The following LRATD2 variants were observed in gnomAD, a reference collection of about 807,000 sequenced individuals.
LRATD2 encodes the protein protein LRATD2.
A neutral mutation model predicts 12.0 loss-of-function variants in LRATD2; 10 were observed. That is an observed-to-expected ratio of 0.83 (90% CI 0.51 to 1.41). LRATD2 has a LOEUF of 1.41. Ranked by LOEUF, LRATD2 falls within the 40% of genes most tolerant of loss-of-function variation. The probability of loss-of-function intolerance (pLI) is 0.00; values close to 1 mark genes in which losing one functional copy is unlikely to be tolerated. For missense variants in LRATD2, 455 were observed against 446.1 expected (o/e 1.02, Z -0.18); for synonymous variants, 220 against 205.8 (o/e 1.07, Z -0.59).
Position 126,557,344 on chromosome 8 carries a change from C to G in LRATD2, c.46G>C (p.Val16Leu). 6.2e-7 allele frequency: 1 copy of G among 1,613,874 alleles called. No individual in the cohort carries two copies. The highest frequency in any genetic ancestry group is 2.2e-5 in the East Asian group (1 of 44,844). ...EKLTHLSYKE[V>L]PTADPTGVDR... ...ACGCCAGTCGGGTCGGCCGTGGGAA[C>G]TTCCTTGTAACTTAGGTGGGTCAAT... The change falls in exon 2 of 2, where the codon GTT becomes CTT. Residue 16 changes from valine (V) to leucine (L), a missense_variant. Val to Leu is a conservative substitution (Grantham distance 32). Transcript: ENST00000304916. The surrounding 1 kb of genome is among the most constrained non-coding windows in gnomAD (Gnocchi z 5.3).
In LRATD2 at chr8:126,556,791, T is replaced by C. The variant is rs2130487421; in HGVS notation, c.599A>G (p.Asn200Ser). ...GCACCAGGCGGCGAAACTCTCCGAGTTGCGCCAGCTCAGCTCGCGCTCCTT... is the reference window on the plus strand; with the variant it reads ...GCACCAGGCGGCGAAACTCTCCGAGCTGCGCCAGCTCAGCTCGCGCTCCTT... ...GAKERELSWR[N>S]SESFAAWCRY... The change falls in exon 2 of 2, where the codon AAC becomes AGC. Residue 200 changes from asparagine (N) to serine (S), a missense_variant. Physicochemically the swap from Asn to Ser is conservative, Grantham distance 46. Coordinates refer to ENST00000304916, the MANE Select transcript of LRATD2 (RefSeq NM_174911.5). The surrounding 1 kb of genome is among the most constrained non-coding windows in gnomAD (Gnocchi z 5.6). 6 of 1,598,050 alleles carry C rather than the reference T, an allele frequency of 3.8e-6. No homozygotes were observed. The highest frequency in any genetic ancestry group is 2.7e-5 in the African/African-American group (2 of 74,822).
Position 126,556,948 on chromosome 8 carries a change from G to A in LRATD2, c.442C>T (p.Leu148=), listed in dbSNP as rs777048756. ...GNFQVVHLHR[L]EVINSFLTDA... The stretch of plus-strand genomic sequence containing the variant: ...GTCAGGAAGCTGTTAATCACCTCCA[G>A]CCGGTGCAGGTGCACCACCTGGAAG... The change falls in exon 2 of 2, where the codon CTG becomes TTG. Residue 148 remains leucine, a synonymous_variant. Transcript: ENST00000304916. The surrounding 1 kb of genome is among the most constrained non-coding windows in gnomAD (Gnocchi z 5.6). The A allele has an allele frequency of 6.2e-7, 1 of 1,610,126 alleles. No homozygotes were observed. The highest frequency in any genetic ancestry group is 1.1e-5 in the South Asian group (1 of 91,080).
In LRATD2 at chr8:126,553,330, T is replaced by C. The variant is rs75557922; in HGVS notation, c.*3127A>G. 5,852 of 152,728 alleles carry C rather than the reference T, an allele frequency of 0.038. 207 individuals are homozygous for C. Among genetic ancestry groups the C allele is most frequent in the Non-Finnish European group, 0.059 (4,010 of 68,008 alleles). 9.5% of individuals were successfully genotyped at this position (152,728 alleles called of 1,614,324 possible). A position where few individuals can be genotyped will look rare whatever the true frequency, so the allele number is the denominator to read the frequency against. On this transcript the variant is annotated 3_prime_UTR_variant, in exon 2 of 2. Transcript: ENST00000304916. Reference sequence around the variant, plus strand: ...CTTTGACATACATAAGCAGTTTCAATAAAATATTTGCTCAGGTAAGAAAAT... The same window carrying C: ...CTTTGACATACATAAGCAGTTTCAACAAAATATTTGCTCAGGTAAGAAAAT...
chr8:126,556,353 TG>T lies in LRATD2; in HGVS notation c.*103del. On this transcript the variant is annotated 3_prime_UTR_variant, in exon 2 of 2. Transcript: ENST00000304916. The surrounding 1 kb of genome is among the most constrained non-coding windows in gnomAD (Gnocchi z 5.6). Reference sequence around the variant, plus strand: ...TTCCAAAGGGCCCAGGAATCCCAGATGGGGCCCAGACAGTGGCAAAAGAGGG... The same window carrying T: ...TTCCAAAGGGCCCAGGAATCCCAGATGGGCCCAGACAGTGGCAAAAGAGGG... 7.6e-7 allele frequency: 1 copy of T among 1,309,898 alleles called. No individual in the cohort carries two copies. The highest frequency in any genetic ancestry group is 3.2e-5 in the Admixed American group (1 of 30,990). 81.1% of individuals were successfully genotyped at this position (1,309,898 alleles called of 1,614,324 possible). A position where few individuals can be genotyped will look rare whatever the true frequency, so the allele number is the denominator to read the frequency against.
rs950665099 is a variant in LRATD2 at position 126,553,556 on chromosome 8, T to C, written c.*2901A>G. 6.6e-6 allele frequency: 1 copy of C among 152,634 alleles called. No homozygotes were observed. The highest frequency in any genetic ancestry group is 2.1e-4 in the South Asian group (1 of 4,836). The allele number at this position is 152,634 out of a possible 1,614,324, so 9.5% of individuals were successfully genotyped here. On this transcript the variant is annotated 3_prime_UTR_variant, in exon 2 of 2. Coordinates refer to ENST00000304916, the MANE Select transcript of LRATD2 (RefSeq NM_174911.5). ...TGTTTATTTTTTCTAAAGTGTCAAA[T>C]GTAGCCACTGCCAGGGCATTAAAAA...
Position 126,557,424 on chromosome 8 carries a change from G to A in LRATD2, c.-35C>T, listed in dbSNP as rs1817441161. On this transcript the variant is annotated 5_prime_UTR_variant, in exon 2 of 2. Transcript: ENST00000304916. This position sits in a 1 kb window ranked among gnomAD's most constrained non-coding sequence, Gnocchi z 5.3. The stretch of plus-strand genomic sequence containing the variant: ...GACACACGTTCACACCGCCGCAAGG[G>A]GAGAAAGCGAAACCAACTCCAGGGT... The A allele has an allele frequency of 1.2e-6, 2 of 1,602,778 alleles. No individual in the cohort carries two copies. The highest frequency in any genetic ancestry group is 1.3e-5 in the African/African-American group (1 of 74,168).
rs1294655066 is a variant in LRATD2 at position 126,558,450 on chromosome 8, C to A, written c.-513G>T. On this transcript the variant is annotated 5_prime_UTR_variant, in exon 1 of 2. Transcript: ENST00000304916. ...CCGGCTCCGGGCTCCCGGGCGGGAG[C>A]GCAGCCCGTGGCATTTAAAGAGACA... 1 of 152,144 alleles carries A rather than the reference C, an allele frequency of 6.6e-6. No individual in the cohort carries two copies. Among genetic ancestry groups the A allele is most frequent in the African/African-American group, 2.4e-5 (1 of 41,436 alleles). 9.4% of individuals were successfully genotyped at this position (152,144 alleles called of 1,614,324 possible). A position where few individuals can be genotyped will look rare whatever the true frequency, so the allele number is the denominator to read the frequency against.
chr8:126,556,467 A>C lies in LRATD2; in HGVS notation c.923T>G (p.Val308Gly). 6.3e-7 allele frequency: 1 copy of C among 1,577,036 alleles called. No homozygotes were observed. Among genetic ancestry groups the C allele is most frequent in the Non-Finnish European group, 8.6e-7 (1 of 1,165,218 alleles). The stretch of plus-strand genomic sequence containing the variant: ...CGCTCAGCTCGCCCATCAGTGTGCC[A>C]CTGCCTCTCCGTCCTCCTCCTCGGA... ...PSSEEEDGEA[V>G]AH The change falls in exon 2 of 2, where the codon GTG (valine) becomes GGG (glycine). Residue 308 changes from valine to glycine, a missense_variant. By Grantham distance (109) the Val-to-Gly change is moderately radical. Transcript: ENST00000304916. The surrounding 1 kb of genome is among the most constrained non-coding windows in gnomAD (Gnocchi z 5.6).
Position 126,557,768 on chromosome 8 carries a change from G to A in LRATD2, c.-97+266C>T. On this transcript the variant is annotated intron_variant, in intron 1 of 1. Transcript: ENST00000304916. The surrounding 1 kb of genome is among the most constrained non-coding windows in gnomAD (Gnocchi z 5.3). ...CCTGCGCCCTACCTGCCAAGCTTGG[G>A]CAGGAAGAGGGAAGGAAAGAGAAAC... 4.7e-6 allele frequency: 1 copy of A among 212,978 alleles called. No homozygotes were observed. Among genetic ancestry groups the A allele is most frequent in the Non-Finnish European group, 9.2e-6 (1 of 108,798 alleles). 13.2% of individuals were successfully genotyped at this position (212,978 alleles called of 1,614,324 possible). A position where few individuals can be genotyped will look rare whatever the true frequency, so the allele number is the denominator to read the frequency against.
rs1817445579 is a variant in LRATD2, at chr8:126,557,524, C to T, written c.-96-39G>A. 1.0e-5 allele frequency: 10 copies of T among 991,280 alleles called. No homozygotes were observed. The Admixed American group carries it at 2.4e-4, about 24-fold the overall frequency. The allele number at this position is 991,280 out of a possible 1,614,324, so 61.4% of individuals were successfully genotyped here. A position where few individuals can be genotyped will look rare whatever the true frequency, so the allele number is the denominator to read the frequency against. On this transcript the variant is annotated intron_variant, in intron 1 of 1. Transcript: ENST00000304916. This position sits in a 1 kb window ranked among gnomAD's most constrained non-coding sequence, Gnocchi z 5.3. ...AAGGCAAGAAAGCCATGCAGGAGCC[C>T]CTCCGTGAAAAGGGCGTTTTGTTCC...
Position 126,556,585 on chromosome 8 carries a change from G to C in LRATD2, c.805C>G (p.Leu269Val), listed in dbSNP as rs750486835. The change falls in exon 2 of 2, where the codon CTC becomes GTC. Residue 269 changes from leucine (L) to valine (V), a missense_variant. By Grantham distance (32) the Leu-to-Val change is conservative. Coordinates refer to ENST00000304916, the MANE Select transcript of LRATD2 (RefSeq NM_174911.5). The surrounding 1 kb of genome is among the most constrained non-coding windows in gnomAD (Gnocchi z 5.6). Reference sequence around the variant, plus strand: ...TCCGCCGGGTGCAGGTGCGTGGCGAGCTCCTGCAGCACGGCCGCGCGCCCG... The same window carrying C: ...TCCGCCGGGTGCAGGTGCGTGGCGACCTCCTGCAGCACGGCCGCGCGCCCG... ...QIGRAAVLQELATHLHPAEPE... is the reference protein window; with the variant it reads ...QIGRAAVLQEVATHLHPAEPE... 7.5e-6 allele frequency: 12 copies of C among 1,609,662 alleles called. No homozygotes were observed. Among genetic ancestry groups the C allele is most frequent in the Middle Eastern group, 3.3e-4 (2 of 6,068 alleles).
chr8:126,557,173 G>A lies in LRATD2; in HGVS notation c.217C>T (p.Pro73Ser), dbSNP rs748652222. 81 of 1,609,626 alleles carry A rather than the reference G, an allele frequency of 5.0e-5. No homozygotes were observed. In the Admixed American group the frequency reaches 1.3e-3, roughly 27 times the overall value. ...GDGPPPPQPQ[P>S]YDPRLHEVEC... ...ACCTCGTGCAGCCGCGGATCGTAGG[G>A]CTGCGGCTGGGGCGGCGGCGGCCCG... The change falls in exon 2 of 2, where the codon CCC (proline) becomes TCC (serine). Residue 73 changes from proline to serine, a missense_variant. Physicochemically the swap from Pro to Ser is moderately conservative, Grantham distance 74. Coordinates refer to ENST00000304916, the MANE Select transcript of LRATD2 (RefSeq NM_174911.5). This position sits in a 1 kb window ranked among gnomAD's most constrained non-coding sequence, Gnocchi z 5.3.
chr8:126,553,805 A>G lies in LRATD2; in HGVS notation c.*2652T>C, dbSNP rs1817329171. 1 of 152,206 alleles carries G rather than the reference A, an allele frequency of 6.6e-6. No individual in the cohort carries two copies. The allele number at this position is 152,206 out of a possible 1,614,324, so 9.4% of individuals were successfully genotyped here. A position where few individuals can be genotyped will look rare whatever the true frequency, so the allele number is the denominator to read the frequency against. On this transcript the variant is annotated 3_prime_UTR_variant, in exon 2 of 2. Transcript: ENST00000304916. ...CAGCATCTGAAAAGATCTATTTCCT[A>G]TTCTAGTTCATTTCCAAGCCCTGTT...
At position 126,556,370 on chromosome 8, in the gene LRATD2, CAAAAGAGGGAGG is replaced by C; in HGVS notation, c.*75_*86del. 7.1e-7 allele frequency: 1 copy of C among 1,414,066 alleles called. No individual in the cohort carries two copies. Among genetic ancestry groups the C allele is most frequent in the Non-Finnish European group, 9.4e-7 (1 of 1,067,904 alleles). 87.6% of individuals were successfully genotyped at this position (1,414,066 alleles called of 1,614,324 possible). A position where few individuals can be genotyped will look rare whatever the true frequency, so the allele number is the denominator to read the frequency against. Reference sequence around the variant, plus strand: ...ATCCCAGATGGGGCCCAGACAGTGGCAAAAGAGGGAGGAAGAGAGGGAGAAAGGGAGCAGCGG... The same window carrying C: ...ATCCCAGATGGGGCCCAGACAGTGGCAAGAGAGGGAGAAAGGGAGCAGCGG... On this transcript the variant is annotated 3_prime_UTR_variant, in exon 2 of 2. Coordinates refer to ENST00000304916, the MANE Select transcript of LRATD2 (RefSeq NM_174911.5). The surrounding 1 kb of genome is among the most constrained non-coding windows in gnomAD (Gnocchi z 5.6).
chr8:126,556,548 CCCT>C lies in LRATD2; in HGVS notation c.839_841del (p.Glu280del), dbSNP rs1817399436. The C allele has an allele frequency of 1.9e-6, 3 of 1,605,254 alleles. No individual in the cohort carries two copies. The East Asian group carries it at 6.7e-5, about 36-fold the overall frequency. On this transcript the variant is annotated inframe_deletion, in exon 2 of 2. Transcript: ENST00000304916. The surrounding 1 kb of genome is among the most constrained non-coding windows in gnomAD (Gnocchi z 5.6). ...CGTAGTCCGCGCCACGTTGCTGTCGCCCTCCTCCGGCTCCGCCGGGTGCAGGTG... is the reference window on the plus strand; with the variant it reads ...CGTAGTCCGCGCCACGTTGCTGTCGCCCTCCGGCTCCGCCGGGTGCAGGTG...
At position 126,552,904 on chromosome 8, in the gene LRATD2, T is replaced by C. The variant is rs1817308800; in HGVS notation, c.*3553A>G. On this transcript the variant is annotated 3_prime_UTR_variant, in exon 2 of 2. Coordinates refer to ENST00000304916, the MANE Select transcript of LRATD2 (RefSeq NM_174911.5). ...TATCACAACTATATTTTATTCTAAT[T>C]TATAAAACAAAAAATGGTTAGACAA... The C allele has an allele frequency of 6.6e-6, 1 of 152,594 alleles. No homozygotes were observed. Among genetic ancestry groups the C allele is most frequent in the African/African-American group, 2.4e-5 (1 of 41,428 alleles). 9.5% of individuals were successfully genotyped at this position (152,594 alleles called of 1,614,324 possible). A position where few individuals can be genotyped will look rare whatever the true frequency, so the allele number is the denominator to read the frequency against.
rs1353275484 is a variant in LRATD2, at chr8:126,558,356, G to A, written c.-419C>T. The stretch of plus-strand genomic sequence containing the variant: ...GGAGAGGACGGCAGCCTCGCAGCCT[G>A]GCGGCAACAGCTCCCGCTTGGGCCG... On this transcript the variant is annotated 5_prime_UTR_variant, in exon 1 of 2. The change creates a premature stop within an existing upstream ORF in the 5' untranslated region. Coordinates refer to ENST00000304916, the MANE Select transcript of LRATD2 (RefSeq NM_174911.5). 6.6e-6 allele frequency: 1 copy of A among 152,258 alleles called. No individual in the cohort carries two copies. Among genetic ancestry groups the A allele is most frequent in the Non-Finnish European group, 1.5e-5 (1 of 68,082 alleles). 9.4% of individuals were successfully genotyped at this position (152,258 alleles called of 1,614,324 possible).
In LRATD2 at chr8:126,556,589, C is replaced by G; in HGVS notation, c.801G>C (p.Gln267His). 6.2e-7 allele frequency: 1 copy of G among 1,610,042 alleles called. No individual in the cohort carries two copies. Among genetic ancestry groups the G allele is most frequent in the Non-Finnish European group, 8.5e-7 (1 of 1,178,214 alleles). ...CCGGGTGCAGGTGCGTGGCGAGCTCCTGCAGCACGGCCGCGCGCCCGATCT... is the reference window on the plus strand; with the variant it reads ...CCGGGTGCAGGTGCGTGGCGAGCTCGTGCAGCACGGCCGCGCGCCCGATCT... ...NDQIGRAAVL[Q>H]ELATHLHPAE... The change falls in exon 2 of 2, where the codon CAG becomes CAC. Residue 267 changes from glutamine to histidine, a missense_variant. By Grantham distance (24) the Gln-to-His change is conservative (BLOSUM62 0). Transcript: ENST00000304916. This position sits in a 1 kb window ranked among gnomAD's most constrained non-coding sequence, Gnocchi z 5.6.
Position 126,554,946 on chromosome 8 carries a change from A to T in LRATD2, c.*1511T>A, listed in dbSNP as rs1337564377. On this transcript the variant is annotated 3_prime_UTR_variant, in exon 2 of 2. Coordinates refer to ENST00000304916, the MANE Select transcript of LRATD2 (RefSeq NM_174911.5). ...CAACTGAGGGCACATATCATTGAAG[A>T]TGTCACAGGAGTTTAAGAGACAGGC... 7 of 152,190 alleles carry T rather than the reference A, an allele frequency of 4.6e-5. No individual in the cohort carries two copies. Among genetic ancestry groups the T allele is most frequent in the Non-Finnish European group, 4.4e-5 (3 of 68,040 alleles). 9.4% of individuals were successfully genotyped at this position (152,190 alleles called of 1,614,324 possible).
Sources: gnomAD v4.1 joint callset for allele counts on GRCh38, gnomAD v4.1.1 for gene constraint, Gnocchi (gnomAD v3.1) non-coding constraint, MANE v1.5 for transcripts, NCBI Gene and HGNC (gene_info 2026-07-23, HGNC 2026-07-21) for gene names.